OPCML: variants seen among roughly 807,000 people sequenced by gnomAD.
OPCML encodes opioid binding protein/cell adhesion molecule like.
In OPCML, 13 loss-of-function variants were observed where a neutral mutation model predicts 37.8. That is an observed-to-expected ratio of 0.34 (90% confidence interval 0.22 to 0.55). The LOEUF is 0.55. Ranked by LOEUF, OPCML falls within the 20% of genes least tolerant of loss-of-function variation. The pLI is 0.91. For synonymous variants in OPCML, 176 were observed against 168.8 expected (o/e 1.04, Z -0.33); for missense variants, 341 against 435.6 (o/e 0.78, Z 1.93).
intron 1 of OPCML, among the ~76,000 whole-genome samples, chr11:133,104,453 T>A (rs1303593348): frequency 1.3e-5 from 2 of 152,230 alleles, no homozygotes; most frequent in Non-Finnish European, 2.9e-5. Context: ...AACATTTTTA[T>A]AAAACAAGTT....
At chr11:133,258,600 C>T (rs562307319) in intron 1 of OPCML, among the ~76,000 whole-genome samples, 93 of 152,220 alleles carry the variant, frequency 6.1e-4, no homozygotes, top group African/African-American at 2.1e-3. Flanking sequence ...CTTTCATTGC[C>T]CCACTTAGAG....
chr11:132,987,515 T>G (rs930690876), intron 1 of OPCML, among the ~76,000 whole-genome samples: 25 of 152,260 alleles, frequency 1.6e-4, no homozygotes, highest in Middle Eastern at 3.4e-3. Context: ...AGAGAGTTTG[T>G]GTTAATTCTG....
chr11:132,553,213 G>T (rs2096386462), intron 3 of OPCML, among the ~76,000 whole-genome samples: 1 of 152,164 alleles, frequency 6.6e-6, no homozygotes, highest in Non-Finnish European at 1.5e-5. Flanking sequence ...AACCACTCAA[G>T]GGCACTTTTT....
At chr11:132,680,946 G>A (rs957818384) in intron 2 of OPCML, among the ~76,000 whole-genome samples, 12 of 152,192 alleles carry the variant, frequency 7.9e-5, no homozygotes, top group Non-Finnish European at 1.0e-4. Context: ...ATCGCGCAGC[G>A]TGGTGTTGGT....
intron 1 of OPCML, among the ~76,000 whole-genome samples, chr11:133,499,951 A>C (rs1298173692): frequency 1.4e-5 from 2 of 143,246 alleles, no homozygotes; most frequent in Non-Finnish European, 3.1e-5. Context: ...GGCTCACTGC[A>C]ACCTCCGCCC....
At chr11:132,804,257 A>G (rs989862342) in intron 2 of OPCML, among the ~76,000 whole-genome samples, 9 of 152,184 alleles carry the variant, frequency 5.9e-5, no homozygotes, top group African/African-American at 2.2e-4. Flanking sequence ...TTTCCCAACC[A>G]CATTGCATGA....
chr11:133,152,876 T>C (rs1392227072), intron 1 of OPCML, among the ~76,000 whole-genome samples: 114 of 56,446 alleles, frequency 2.0e-3, no homozygotes, highest in African/African-American at 0.016. Context: ...CAGGTTATCC[T>C]TTTTTTTTTT....
chr11:132,901,131 C>T (rs932790071), intron 2 of OPCML, among the ~76,000 whole-genome samples: 35 of 152,066 alleles, frequency 2.3e-4, no homozygotes, highest in Admixed American at 1.4e-3. Context: ...AGGGAGCCAC[C>T]ATCATGCCAC....
intron 1 of OPCML, among the ~76,000 whole-genome samples, chr11:133,281,541 C>A (rs1942156923): frequency 6.6e-6 from 1 of 152,006 alleles, no homozygotes; most frequent in South Asian, 2.1e-4. Context: ...CTCATGTATT[C>A]CTTTACAGAG....
chr11:132,651,680 C>T (rs950486788), intron 3 of OPCML, among the ~76,000 whole-genome samples: 4 of 152,162 alleles, frequency 2.6e-5, no homozygotes, highest in Non-Finnish European at 2.9e-5. Context: ...CTAGGACTGG[C>T]AGGGCTGGGA....
At chr11:132,634,185 G>A (rs1940337902) in intron 3 of OPCML, among the ~76,000 whole-genome samples, 2 of 152,318 alleles carry the variant, frequency 1.3e-5, no homozygotes, top group South Asian at 2.1e-4. Context: ...GCTATGCCCA[G>A]CCTGGCTTCC....
chr11:133,150,605 A>C (rs2137189487), intron 1 of OPCML, among the ~76,000 whole-genome samples: 1 of 152,174 alleles, frequency 6.6e-6, no homozygotes, highest in South Asian at 2.1e-4. Flanking sequence ...TAGCTTCCTG[A>C]CTGTGGGATG....
At chr11:133,078,931 G>T (rs891447262) in intron 1 of OPCML, among the ~76,000 whole-genome samples, 2 of 152,060 alleles carry the variant, frequency 1.3e-5, no homozygotes, top group African/African-American at 2.4e-5. Context: ...GGTTATAAAC[G>T]ACAGATTTTA....
chr11:132,785,340 A>C (rs1443172593), intron 2 of OPCML, among the ~76,000 whole-genome samples: 1 of 152,008 alleles, frequency 6.6e-6, no homozygotes, highest in African/African-American at 2.4e-5. Context: ...GCTCAATCTC[A>C]CCAGCTAGTA....
chr11:132,856,939 T>C (rs1267614069), intron 2 of OPCML, among the ~76,000 whole-genome samples: 1 of 152,222 alleles, frequency 6.6e-6, no homozygotes, highest in Admixed American at 6.5e-5. Context: ...CTAAAACTTT[T>C]TAAATAAAAT....
chr11:132,834,034 A>C (rs566539871), intron 2 of OPCML, among the ~76,000 whole-genome samples: 14 of 152,206 alleles, frequency 9.2e-5, no homozygotes, highest in Non-Finnish European at 2.1e-4. Flanking sequence ...TTTTTGAGTA[A>C]AGATTATGAG....
intron 2 of OPCML, among the ~76,000 whole-genome samples, chr11:132,857,208 A>G (rs1422732947): frequency 6.6e-6 from 1 of 152,052 alleles, no homozygotes; most frequent in East Asian, 1.9e-4. Context: ...TAGCGAGTTT[A>G]ATTTGAGTTT....
intron 1 of OPCML, among the ~76,000 whole-genome samples, chr11:133,341,091 C>G (rs1943859212): frequency 6.6e-6 from 1 of 152,110 alleles, no homozygotes; most frequent in Non-Finnish European, 1.5e-5. Context: ...ATGCACACAC[C>G]CAGCTGCGAG....
chr11:132,649,213 C>T (rs753726917), intron 3 of OPCML, among the ~76,000 whole-genome samples: 1 of 152,080 alleles, frequency 6.6e-6, no homozygotes, highest in East Asian at 1.9e-4. Context: ...CAGAACAAAG[C>T]CCCACATGTA....
Sources: gnomAD v4.1 joint callset for allele counts (sites outside exome capture counted in the v4.1 genomes callset) on GRCh38, gnomAD v4.1.1 for gene constraint, MANE v1.5 for transcripts, NCBI Gene and HGNC (gene_info 2026-07-23, HGNC 2026-07-21) for gene names.